The following SMARCC1 variants were observed in gnomAD, a reference collection of about 807,000 sequenced individuals.
SMARCC1 encodes the protein SWI/SNF complex subunit SMARCC1.
A neutral mutation model predicts 147.4 loss-of-function variants in SMARCC1; 43 were observed. The ratio of observed to expected loss-of-function variants is 0.29; its 90% CI spans 0.23 to 0.38. SMARCC1 has a LOEUF of 0.38. Among genes scored for constraint, SMARCC1 ranks in the 10% least tolerant of loss-of-function variants. The probability of loss-of-function intolerance (pLI) is 1.00; values close to 1 mark genes in which losing one functional copy is unlikely to be tolerated. For synonymous variants in SMARCC1, 495 were observed against 484.4 expected (o/e 1.02, Z -0.29); for missense variants, 1,119 against 1,381.1 (o/e 0.81, Z 3.01).
At chr3:47,593,203 T>C (rs946304886) in intron 26 of SMARCC1, among the ~76,000 whole-genome samples, 54 of 151,884 alleles carry the variant, frequency 3.6e-4, no homozygotes, top group Non-Finnish European at 7.1e-4. Flanking sequence ...TTTTTTTTTT[T>C]TCTTTTTTGA....
At chr3:47,656,988 G>GT (rs2033270791) in intron 21 of SMARCC1, among the ~76,000 whole-genome samples, 1 of 152,076 alleles carries the variant, frequency 6.6e-6, no homozygotes, top group African/African-American at 2.4e-5. Context: ...CTAATATCAG[G>GT]TAAGATAGAC....
intron 2 of SMARCC1, among the ~76,000 whole-genome samples, chr3:47,753,712 CAAAAAAAAAA>C (rs71070226): frequency 4.3e-5 from 3 of 69,606 alleles, no homozygotes; most frequent in Non-Finnish European, 7.7e-5. Flanking sequence ...AACTCCATCT[CAAAAAAAAAA>C]AAAAAAAAAA....
intron 2 of SMARCC1, among the ~76,000 whole-genome samples, chr3:47,757,806 A>C (rs1417868638): frequency 6.6e-6 from 1 of 151,690 alleles, no homozygotes; most frequent in Admixed American, 6.6e-5. Context: ...AAAAGAAAGA[A>C]AGAAAGAAAA....
At chr3:47,647,701 A>T (rs1168281816) in intron 21 of SMARCC1, among the ~76,000 whole-genome samples, 1 of 152,230 alleles carries the variant, frequency 6.6e-6, no homozygotes, top group African/African-American at 2.4e-5. Context: ...GCAGGAACCC[A>T]GTCAATACTT....
chr3:47,732,612 T>TA lies in SMARCC1; in HGVS notation c.576+3421dup, dbSNP rs1230131682. ...GCCATTGTAGGGTTATTAATTGGCT[T>TA]AATTTTAATACTTGTGGGTCTCAGG... On this transcript the variant is annotated intron_variant, in intron 5 of 27. Coordinates refer to ENST00000254480, the MANE Select transcript of SMARCC1 (RefSeq NM_003074.4). Among the ~76,000 whole-genome samples the TA allele has an allele frequency of 3.3e-5, 5 of 152,256 alleles. No homozygotes were observed. In the South Asian group the frequency reaches 1.0e-3, roughly 32 times the overall value.
intron 1 of SMARCC1, among the ~76,000 whole-genome samples, chr3:47,778,204 A>AAC (rs2034998847): frequency 8.2e-6 from 1 of 122,634 alleles, no homozygotes; most frequent in Non-Finnish European, 1.5e-5. Flanking sequence ...AAAAAAAAAC[A>AAC]AAAAACAAAA....
At chr3:47,709,042 A>G (rs1177609631) in intron 9 of SMARCC1, among the ~76,000 whole-genome samples, 1 of 152,106 alleles carries the variant, frequency 6.6e-6, no homozygotes, top group Non-Finnish European at 1.5e-5. Flanking sequence ...CGGTGGATCA[A>G]CTGAGGTCAG....
intron 2 of SMARCC1, chr3:47,746,276 C>T (rs1372903407): frequency 4.1e-6 from 1 of 242,800 alleles, no homozygotes; most frequent in African/African-American, 2.3e-5. Flanking sequence ...CAGGGAGATC[C>T]AGTCTCTAGA....
chr3:47,648,615 G>A (rs550732331), intron 21 of SMARCC1, among the ~76,000 whole-genome samples: 235 of 152,026 alleles, frequency 1.5e-3, no homozygotes, highest in African/African-American at 4.8e-3. Context: ...ACTAGTCTCA[G>A]ACTCCTTAGC....
chr3:47,674,998 G>C (rs145681879), intron 18 of SMARCC1, among the ~76,000 whole-genome samples: 86 of 152,198 alleles, frequency 5.7e-4, no homozygotes, highest in Middle Eastern at 3.4e-3. Context: ...GCCTCCCAAA[G>C]TGCTGAAATT....
intron 19 of SMARCC1, chr3:47,663,672 T>C (rs1006245017): frequency 8.0e-6 from 12 of 1,493,074 alleles, no homozygotes; most frequent in Non-Finnish European, 1.1e-5. Context: ...AAGCCCCCAG[T>C]CATTGAGGGG....
At chr3:47,712,828 C>G (rs548583798) in intron 8 of SMARCC1, among the ~76,000 whole-genome samples, 4 of 152,192 alleles carry the variant, frequency 2.6e-5, no homozygotes, top group Admixed American at 2.6e-4. Flanking sequence ...CTTGTGGAGC[C>G]TAGTTTCCTT....
At chr3:47,714,621 C>T (rs1293550528) in intron 7 of SMARCC1, 131 bp from the exon 8 acceptor site, 1 of 575,308 alleles carries the variant, frequency 1.7e-6, no homozygotes, top group Non-Finnish European at 3.1e-6. Context: ...GGTGAAACTG[C>T]GTCTCTACCA....
intron 2 of SMARCC1, among the ~76,000 whole-genome samples, chr3:47,751,783 T>G (rs1011419807): frequency 4.6e-5 from 7 of 151,742 alleles, no homozygotes; most frequent in African/African-American, 1.7e-4. Context: ...ATAATGAAGT[T>G]CAACGAGATA....
intron 11 of SMARCC1, among the ~76,000 whole-genome samples, chr3:47,694,602 A>G (rs1559647035): frequency 6.6e-6 from 1 of 152,238 alleles, no homozygotes; most frequent in Non-Finnish European, 1.5e-5. Context: ...TCAGTCTCAA[A>G]AACAACAACA....
At chr3:47,657,278 C>G (rs2106729759) in intron 21 of SMARCC1, among the ~76,000 whole-genome samples, 2 of 152,236 alleles carry the variant, frequency 1.3e-5, no homozygotes, top group East Asian at 3.9e-4. Flanking sequence ...ATATTTTTCT[C>G]AAATGCACAA....
intron 1 of SMARCC1, among the ~76,000 whole-genome samples, chr3:47,775,629 G>A (rs910698259): frequency 5.4e-5 from 8 of 146,936 alleles, no homozygotes; most frequent in Admixed American, 2.7e-4. Context: ...AAAACTAGCC[G>A]TGCATGGTGG....
chr3:47,675,700 C>A, intron 17 of SMARCC1, 112 bp from the exon 18 acceptor site: 2 of 583,196 alleles, frequency 3.4e-6, no homozygotes, highest in Non-Finnish European at 6.2e-6. Flanking sequence ...ATAATCCCAG[C>A]ACTTTGGGAG....
At chr3:47,768,325 T>C (rs1334824496) in intron 2 of SMARCC1, among the ~76,000 whole-genome samples, 2 of 152,202 alleles carry the variant, frequency 1.3e-5, no homozygotes, top group Non-Finnish European at 2.9e-5. Flanking sequence ...GGAAGGCAAG[T>C]ACATCGGTTC....
Sources: allele counts gnomAD v4.1 joint callset (sites outside exome capture counted in the v4.1 genomes callset), GRCh38; gene constraint gnomAD v4.1.1; transcripts MANE v1.5; gene names NCBI Gene and HGNC (gene_info 2026-07-23, HGNC 2026-07-21).